Variants in RABEP1 observed in about 807,000 individuals in gnomAD.
The protein encoded by RABEP1 is rabaptin, RAB GTPase binding effector protein 1, also known as rab GTPase-binding effector protein 1.
Under a neutral mutation model 123.4 loss-of-function variants are expected in RABEP1, and 51 were observed. The observed-to-expected ratio is 0.41, with a 90% CI of 0.33 to 0.52. The LOEUF (loss-of-function observed/expected upper bound fraction) is 0.52. Among genes scored for constraint, RABEP1 ranks in the 20% least tolerant of loss-of-function variants. The pLI, the probability that RABEP1 is intolerant of heterozygous loss-of-function variation, is 0.16. For synonymous variants in RABEP1, 347 were observed against 355.2 expected, an observed-to-expected ratio of 0.98 and a Z score of 0.26; for missense variants, 888 against 996.3, an observed-to-expected ratio of 0.89 and a Z score of 1.46.
intron 1 of RABEP1, among the ~76,000 whole-genome samples, chr17:5,287,212 T>G (rs926542849): frequency 6.6e-6 from 1 of 152,176 alleles, no homozygotes; most frequent in African/African-American, 2.4e-5. Context: ...TTGAAAAGCT[T>G]TGAACAGAGG....
At position 5,339,015 on chromosome 17, in the gene RABEP1, G is replaced by C. The variant is rs188996824; in HGVS notation, c.648+877G>C. On this transcript the variant is annotated intron_variant, in intron 5 of 17. Coordinates refer to ENST00000537505, the MANE Select transcript of RABEP1 (RefSeq NM_004703.6). ...TCTACAAAAATTTTTTAAAAAGCCA[G>C]ACACGGTGGTGCATGCCTGTTGTCC... 4.1e-3 allele frequency among the ~76,000 whole-genome samples: 618 copies of C among 152,130 alleles called. 1 individual carries two copies. Among genetic ancestry groups the C allele is most frequent in the Admixed American group, 8.0e-3 (122 of 15,280 alleles).
rs1195003796 is a variant in RABEP1 at position 5,368,332 on chromosome 17, T to C, written c.1786-38T>C. 2.9e-6 allele frequency: 4 copies of C among 1,381,488 alleles called. No individual in the cohort carries two copies. The South Asian group carries it at 4.9e-5, about 17-fold the overall frequency. 85.6% of individuals were successfully genotyped at this position (1,381,488 alleles called of 1,614,324 possible). A position where few individuals can be genotyped will look rare whatever the true frequency, so the allele number is the denominator to read the frequency against. ...GAAGAGTTAGTTTCAGAATAACCGA[T>C]TTCCTAACTATGTTTCTATACATGT... On this transcript the variant is annotated intron_variant, in intron 11 of 17. Transcript: ENST00000537505.
chr17:5,350,951 C>T (rs532739872), intron 7 of RABEP1, among the ~76,000 whole-genome samples: 1 of 152,258 alleles, frequency 6.6e-6, no homozygotes, highest in African/African-American at 2.4e-5. Context: ...TCAAGCTTGT[C>T]CAACCTGCAG....
chr17:5,284,541 C>T lies in RABEP1; in HGVS notation c.34+2021C>T, dbSNP rs1227803640. The stretch of plus-strand genomic sequence containing the variant: ...AGAGCAGTGGCGCGATCTTGGCTCA[C>T]TGCAGCCTCGACCTCCTGGGGTCAA... On this transcript the variant is annotated intron_variant, in intron 1 of 17. Transcript: ENST00000537505. Among the ~76,000 whole-genome samples, 6 of 152,086 alleles carry T rather than the reference C, an allele frequency of 3.9e-5. No individual in the cohort carries two copies. The East Asian group carries it at 9.6e-4, about 24-fold the overall frequency.
chr17:5,380,592 T>C, intron 16 of RABEP1, 130 bp downstream of exon 16: 1 of 797,246 alleles, frequency 1.3e-6, no homozygotes, highest in South Asian at 1.5e-5. Context: ...AACTGACAGC[T>C]TGTGAAAAGA....
At chr17:5,294,633 CTTTTTTTTTTTTTTTTTTTT>C (rs1185209680) in intron 1 of RABEP1, among the ~76,000 whole-genome samples, 2 of 53,030 alleles carry the variant, frequency 3.8e-5, no homozygotes, top group South Asian at 2.3e-3. Context: ...ACGGTATTGT[CTTTTTTTTTTTTTTTTTTTT>C]TTTTTTTTTT....
At chr17:5,309,844 C>A (rs569437065) in intron 2 of RABEP1, among the ~76,000 whole-genome samples, 1 of 152,116 alleles carries the variant, frequency 6.6e-6, no homozygotes. Flanking sequence ...GCATCATTAT[C>A]GTCATCATCA....
intron 13 of RABEP1, among the ~76,000 whole-genome samples, chr17:5,376,160 G>A (rs1285477208): frequency 6.6e-6 from 1 of 151,754 alleles, no homozygotes; most frequent in Non-Finnish European, 1.5e-5. Flanking sequence ...ATCTTAAAAT[G>A]TTCCAAGAAT....
chr17:5,301,916 A>G (rs1173917641), intron 1 of RABEP1, among the ~76,000 whole-genome samples: 1 of 152,230 alleles, frequency 6.6e-6, no homozygotes, highest in Non-Finnish European at 1.5e-5. Context: ...GATAACAATA[A>G]CAGTATGGGG....
At chr17:5,357,425 G>A (rs1422319445) in intron 8 of RABEP1, among the ~76,000 whole-genome samples, 1 of 152,026 alleles carries the variant, frequency 6.6e-6, no homozygotes, top group African/African-American at 2.4e-5. Flanking sequence ...TTGCTGGAGT[G>A]CTATGGCGTG....
At chr17:5,376,900 T>C (rs1276764178) in intron 13 of RABEP1, among the ~76,000 whole-genome samples, 2 of 152,224 alleles carry the variant, frequency 1.3e-5, no homozygotes, top group East Asian at 3.8e-4. Context: ...GTATGTGGCT[T>C]ACAAGATACG....
intron 12 of RABEP1, among the ~76,000 whole-genome samples, chr17:5,369,243 C>G (rs76884889): frequency 6.6e-6 from 1 of 152,314 alleles, no homozygotes; most frequent in Middle Eastern, 3.4e-3. Context: ...GAGCAAGTGC[C>G]GGCTAGAGCC....
intron 3 of RABEP1, among the ~76,000 whole-genome samples, chr17:5,332,808 A>G (rs9914428): frequency 0.45 from 67,867 of 151,666 alleles, 16,220 homozygotes; most frequent in African/African-American, 0.62. Context: ...GGATTTCGCC[A>G]TGTTGGTCAG....
At chr17:5,332,326 T>G (rs1906627312) in intron 3 of RABEP1, among the ~76,000 whole-genome samples, 174 bp downstream of exon 3, 1 of 152,250 alleles carries the variant, frequency 6.6e-6, no homozygotes, top group African/African-American at 2.4e-5. Context: ...CATAAATGGA[T>G]ATATCAATCG....
Position 5,373,375 on chromosome 17 carries a change from A to G in RABEP1, c.1946A>G (p.Asn649Ser). ...GAGCTGGTGAGGTTACAGAAAGATA[A>G]TGACAGTCTCCAGGGAAAGCACAGC... Reference protein sequence around the residue: ...SEELVRLQKDNDSLQGKHSLH... With the variant: ...SEELVRLQKDSDSLQGKHSLH... Residue 649 changes from asparagine (N) to serine (S), a missense_variant, in exon 13 of 18, where the codon AAT becomes AGT. Transcript: ENST00000537505. The G allele has an allele frequency of 6.2e-7, 1 of 1,613,388 alleles. No homozygotes were observed. Among genetic ancestry groups the G allele is most frequent in the Non-Finnish European group, 8.5e-7 (1 of 1,179,886 alleles).
intron 7 of RABEP1, among the ~76,000 whole-genome samples, chr17:5,354,122 T>G (rs1457982575): frequency 2.0e-5 from 3 of 152,212 alleles, no homozygotes; most frequent in Non-Finnish European, 4.4e-5. Flanking sequence ...ATACTTTTCT[T>G]GGAAGCTGCT....
At chr17:5,337,294 A>C (rs1907185145) in intron 4 of RABEP1, among the ~76,000 whole-genome samples, 2 of 152,320 alleles carry the variant, frequency 1.3e-5, no homozygotes, top group South Asian at 4.1e-4. Context: ...TTTAGAAAAC[A>C]CGTTATTCTA....
chr17:5,305,436 A>G (rs1216783229), intron 1 of RABEP1, among the ~76,000 whole-genome samples: 1 of 152,158 alleles, frequency 6.6e-6, no homozygotes, highest in Non-Finnish European at 1.5e-5. Flanking sequence ...TAATGGAAAC[A>G]TACTTAATCT....
chr17:5,344,531 G>A (rs1645093548), intron 5 of RABEP1, among the ~76,000 whole-genome samples: 1 of 152,046 alleles, frequency 6.6e-6, no homozygotes, highest in Non-Finnish European at 1.5e-5. Context: ...CCAGCACTTT[G>A]GGAGGCCGAG....
Sources: gnomAD v4.1 joint callset for allele counts (sites outside exome capture counted in the v4.1 genomes callset) on GRCh38, gnomAD v4.1.1 for gene constraint, MANE v1.5 for transcripts, NCBI Gene and HGNC (gene_info 2026-07-23, HGNC 2026-07-21) for gene names.